PPP2R5E: variants seen among roughly 807,000 people sequenced by gnomAD.
PPP2R5E encodes the protein serine/threonine-protein phosphatase 2A 56 kDa regulatory subunit epsilon isoform.
A neutral mutation model predicts 65.3 loss-of-function variants in PPP2R5E; 4 were observed. That is an observed-to-expected ratio of 0.06 (90% CI 0.03 to 0.14). The LOEUF is 0.14. Ranked by LOEUF, PPP2R5E falls within the 10% of genes least tolerant of loss-of-function variation. PPP2R5E has a pLI of 1.00. For synonymous variants in PPP2R5E, 183 were observed against 187.4 expected, an observed-to-expected ratio of 0.98 and a Z score of 0.19; for missense variants, 274 against 556.1, an observed-to-expected ratio of 0.49 and a Z score of 5.10.
At chr14:63,467,190 T>C (rs771388904) in intron 2 of PPP2R5E, among the ~76,000 whole-genome samples, 5 of 145,512 alleles carry the variant, frequency 3.4e-5, no homozygotes, top group Non-Finnish European at 7.4e-5. Context: ...CTTGCCACTG[T>C]CCAGCCTGGG....
intron 2 of PPP2R5E, among the ~76,000 whole-genome samples, chr14:63,468,242 G>A (rs1235096980): frequency 6.6e-6 from 1 of 151,726 alleles, no homozygotes; most frequent in Admixed American, 6.6e-5. Flanking sequence ...GGCATTGTGT[G>A]AAACACAATG....
chr14:63,434,964 A>C (rs1294282138), intron 3 of PPP2R5E, among the ~76,000 whole-genome samples: 1 of 152,204 alleles, frequency 6.6e-6, no homozygotes, highest in African/African-American at 2.4e-5. Context: ...ACATCCACAT[A>C]ATGGAGTGTT....
chr14:63,409,633 T>C (rs1273312980), intron 5 of PPP2R5E, among the ~76,000 whole-genome samples: 1 of 152,188 alleles, frequency 6.6e-6, no homozygotes, highest in East Asian at 1.9e-4. Context: ...TTAATGTCAT[T>C]TTATAAAAAA....
chr14:63,466,729 G>A (rs868667526), intron 2 of PPP2R5E, among the ~76,000 whole-genome samples: 5 of 152,044 alleles, frequency 3.3e-5, no homozygotes, highest in Non-Finnish European at 5.9e-5. Flanking sequence ...CAATAAAGAC[G>A]GAGAAACTTA....
chr14:63,481,325 G>A (rs963618191), intron 2 of PPP2R5E, among the ~76,000 whole-genome samples: 2 of 151,876 alleles, frequency 1.3e-5, no homozygotes, highest in Non-Finnish European at 2.9e-5. Flanking sequence ...CTGAAACTCC[G>A]TCTCTACTTA....
intron 2 of PPP2R5E, among the ~76,000 whole-genome samples, chr14:63,456,859 C>T (rs996557757): frequency 6.6e-6 from 1 of 151,780 alleles, no homozygotes; most frequent in Non-Finnish European, 1.5e-5. Context: ...TCATGCTAAA[C>T]CCCTTCTCTA....
chr14:63,400,560 G>A (rs1160630161), intron 5 of PPP2R5E, among the ~76,000 whole-genome samples: 1 of 152,126 alleles, frequency 6.6e-6, no homozygotes, highest in African/African-American at 2.4e-5. Context: ...CTTTCTATGT[G>A]CCAGCGATGG....
chr14:63,432,714 A>G (rs563787409), intron 3 of PPP2R5E, among the ~76,000 whole-genome samples: 1 of 152,312 alleles, frequency 6.6e-6, no homozygotes, highest in Admixed American at 6.5e-5. Context: ...AGGGAAAAAG[A>G]AAGACATTTG....
intron 5 of PPP2R5E, among the ~76,000 whole-genome samples, chr14:63,405,696 G>A (rs974700): frequency 0.11 from 16,112 of 152,086 alleles, 2,713 homozygotes; most frequent in African/African-American, 0.35. Flanking sequence ...TGAAATAATC[G>A]AAGTATTGCT....
At chr14:63,404,032 G>A (rs1260728749) in intron 5 of PPP2R5E, among the ~76,000 whole-genome samples, 1 of 152,110 alleles carries the variant, frequency 6.6e-6, no homozygotes, top group Non-Finnish European at 1.5e-5. Context: ...TAGAAATATG[G>A]AAATAAATAT....
rs1883922959 is a variant in PPP2R5E, at chr14:63,375,230, C to T, written c.*779G>A. On this transcript the variant is annotated 3_prime_UTR_variant, in exon 14 of 14. Transcript: ENST00000337537. Reference sequence around the variant, plus strand: ...AATGATATATGCAACTAATACTGGTCAGGTACTGAAGCCTGTGATGTCCCA... The same window carrying T: ...AATGATATATGCAACTAATACTGGTTAGGTACTGAAGCCTGTGATGTCCCA... 1 of 152,562 alleles carries T rather than the reference C, an allele frequency of 6.6e-6. No homozygotes were observed. Among genetic ancestry groups the T allele is most frequent in the African/African-American group, 2.4e-5 (1 of 41,438 alleles). The allele number at this position is 152,562 out of a possible 1,614,324, so 9.5% of individuals were successfully genotyped here.
intron 4 of PPP2R5E, 102 bp downstream of exon 4, chr14:63,421,891 A>C (rs1352010613): frequency 1.2e-6 from 1 of 854,596 alleles, no homozygotes; most frequent in Non-Finnish European, 1.9e-6. Flanking sequence ...AGTGTACTCT[A>C]ATTTGATTTC....
At chr14:63,503,685 T>G (rs1892017250) in intron 2 of PPP2R5E, among the ~76,000 whole-genome samples, 1 of 152,210 alleles carries the variant, frequency 6.6e-6, no homozygotes, top group African/African-American at 2.4e-5. Context: ...AGCACTTTAA[T>G]TTACTATATA....
In PPP2R5E at chr14:63,384,208, G is replaced by T. The variant is rs553868852; in HGVS notation, c.1202+236C>A. Among the ~76,000 whole-genome samples the T allele has an allele frequency of 3.3e-5, 5 of 152,232 alleles. No homozygotes were observed. The East Asian group carries it at 7.7e-4, about 23-fold the overall frequency. On this transcript the variant is annotated intron_variant, in intron 12 of 13. Coordinates refer to ENST00000337537, the MANE Select transcript of PPP2R5E (RefSeq NM_006246.5). ...TCTCAGCTGCAGTGCCTCCCCAAAA[G>T]ATCTGCTACCTTCATAGACAGATCA... is the stretch of plus-strand genomic sequence containing the variant.
intron 5 of PPP2R5E, among the ~76,000 whole-genome samples, chr14:63,400,196 G>A (rs1885666694): frequency 6.6e-6 from 1 of 152,228 alleles, no homozygotes; most frequent in South Asian, 2.1e-4. Flanking sequence ...TGGGCGAGCT[G>A]TCAGGGATAC....
intron 2 of PPP2R5E, among the ~76,000 whole-genome samples, chr14:63,468,330 T>C (rs937233039): frequency 2.0e-5 from 3 of 152,188 alleles, no homozygotes; most frequent in African/African-American, 7.2e-5. Context: ...GTATGTCTGG[T>C]TGTGTAAGCA....
chr14:63,413,982 T>C (rs140268864), intron 5 of PPP2R5E, among the ~76,000 whole-genome samples: 2 of 152,218 alleles, frequency 1.3e-5, no homozygotes, highest in Non-Finnish European at 2.9e-5. Flanking sequence ...GCACCAAAGC[T>C]CCTTTCAGCT....
intron 3 of PPP2R5E, 62 bp downstream of exon 3, chr14:63,453,627 T>C (rs1888973363): frequency 6.6e-7 from 1 of 1,523,774 alleles, no homozygotes. Context: ...TTGCAATATA[T>C]ACACCTGTGA....
Position 63,403,359 on chromosome 14 carries a change from G to C in PPP2R5E, c.550-6643C>G, listed in dbSNP as rs180707299. On this transcript the variant is annotated intron_variant, in intron 5 of 13. Transcript: ENST00000337537. ...GCCAAGATCGTGCCACTACACTCCA[G>C]CCTGGGCGACAAAGCGAGAGTCTGT... Among the ~76,000 whole-genome samples, 10 of 137,006 alleles carry C rather than the reference G, an allele frequency of 7.3e-5. No homozygotes were observed. In the East Asian group the frequency reaches 2.2e-3, roughly 30 times the overall value. The allele number at this position is 137,006 out of a possible 152,430, so 89.9% of individuals were successfully genotyped here.
Sources: allele counts gnomAD v4.1 joint callset (sites outside exome capture counted in the v4.1 genomes callset), GRCh38; gene constraint gnomAD v4.1.1; transcripts MANE v1.5; gene names NCBI Gene and HGNC (gene_info 2026-07-23, HGNC 2026-07-21).